CTNNBL1: variants seen among roughly 807,000 people sequenced by gnomAD.
The protein encoded by CTNNBL1 is beta-catenin-like protein 1.
CTNNBL1 carries 31 observed loss-of-function variants against 72.7 expected under a neutral mutation model. That is an observed-to-expected ratio of 0.43 (90% CI 0.32 to 0.58). The LOEUF (loss-of-function observed/expected upper bound fraction) is 0.58, where lower values mean the gene tolerates loss of function less well. Ranked by LOEUF, CTNNBL1 falls within the 20% of genes least tolerant of loss-of-function variation. CTNNBL1 has a pLI of 0.08. For synonymous variants in CTNNBL1, 240 were observed against 267.3 expected, an observed-to-expected ratio of 0.90 and a Z score of 1.00; for missense variants, 534 against 725.1, an observed-to-expected ratio of 0.74 and a Z score of 3.03.
At chr20:37,714,989 A>AC (rs1339960576) in intron 1 of CTNNBL1, among the ~76,000 whole-genome samples, 5 of 151,192 alleles carry the variant, frequency 3.3e-5, no homozygotes, top group South Asian at 4.2e-4. Context: ...ACCGCACCTC[A>AC]CCCCCCCGTT....
rs1310660903 is a variant in CTNNBL1 at position 37,803,757 on chromosome 20, G to A, written c.1213+709G>A. On this transcript the variant is annotated intron_variant, in intron 11 of 15. Transcript: ENST00000361383. Reference sequence around the variant, plus strand: ...TATTTTAAAGTGTGGGGAGCGGGTGGAGAGGAGTGGGGAGGTAGTGTGTTG... The same window carrying A: ...TATTTTAAAGTGTGGGGAGCGGGTGAAGAGGAGTGGGGAGGTAGTGTGTTG... Among the ~76,000 whole-genome samples the A allele has an allele frequency of 2.0e-5, 3 of 152,192 alleles. No homozygotes were observed. In the East Asian group the frequency reaches 5.8e-4, roughly 29 times the overall value.
At chr20:37,728,311 A>G (rs901360026) in intron 1 of CTNNBL1, among the ~76,000 whole-genome samples, 8 of 152,196 alleles carry the variant, frequency 5.3e-5, no homozygotes, top group African/African-American at 1.7e-4. Context: ...AAATGATACT[A>G]TTTTGGGTAT....
intron 11 of CTNNBL1, among the ~76,000 whole-genome samples, chr20:37,834,904 T>TA (rs1238197806): frequency 6.6e-6 from 1 of 152,232 alleles, no homozygotes. Context: ...ATACCCTACT[T>TA]ACGTTCAAAT....
At chr20:37,742,894 C>A (rs2073230235) in intron 3 of CTNNBL1, among the ~76,000 whole-genome samples, 1 of 152,132 alleles carries the variant, frequency 6.6e-6, no homozygotes. Context: ...ACCTCCACCT[C>A]CCAGGTTCAA....
chr20:37,716,361 A>T (rs879632283), intron 1 of CTNNBL1, among the ~76,000 whole-genome samples: 2 of 152,238 alleles, frequency 1.3e-5, no homozygotes, highest in Admixed American at 1.3e-4. Context: ...TAGGTGGCCA[A>T]GACGCATTTG....
intron 11 of CTNNBL1, among the ~76,000 whole-genome samples, chr20:37,807,511 A>G (rs946624132): frequency 5.9e-5 from 9 of 152,198 alleles, no homozygotes; most frequent in African/African-American, 9.7e-5. Flanking sequence ...GAGTCAAGCT[A>G]TGCTAAGTAG....
At chr20:37,843,355 T>G (rs1179571301) in intron 13 of CTNNBL1, among the ~76,000 whole-genome samples, 1 of 152,184 alleles carries the variant, frequency 6.6e-6, no homozygotes, top group Non-Finnish European at 1.5e-5. Context: ...GATTTTAGTA[T>G]AGCCCTCCCC....
rs1331529252 is a variant in CTNNBL1, at chr20:37,767,851, G to C, written c.659-102G>C. ...CCAGCATCTGGCTGGGAGTAATGCA[G>C]GGAAGTGGGGAGAGGAATAACATGC... On this transcript the variant is annotated intron_variant, in intron 6 of 15. Coordinates refer to ENST00000361383, the MANE Select transcript of CTNNBL1 (RefSeq NM_030877.5). 5.7e-6 allele frequency: 5 copies of C among 873,844 alleles called. No individual in the cohort carries two copies. In the African/African-American group the frequency reaches 8.2e-5, roughly 14 times the overall value. 54.1% of individuals were successfully genotyped at this position (873,844 alleles called of 1,614,324 possible). A position where few individuals can be genotyped will look rare whatever the true frequency, so the allele number is the denominator to read the frequency against.
At chr20:37,787,146 A>G (rs1009583894) in intron 10 of CTNNBL1, among the ~76,000 whole-genome samples, 2 of 148,550 alleles carry the variant, frequency 1.3e-5, no homozygotes, top group African/African-American at 5.0e-5. Context: ...TTTAAGAGAC[A>G]GGATTCCACT....
chr20:37,746,572 A>G lies in CTNNBL1; in HGVS notation c.431A>G (p.Gln144Arg). Reference sequence around the variant, plus strand: ...CTTCTGGTGGAGCTGAATGCTGTACAGTCGCTTCTCGGCTTGCTCGGACAC... The same window carrying G: ...CTTCTGGTGGAGCTGAATGCTGTACGGTCGCTTCTCGGCTTGCTCGGACAC... The part of the protein sequence containing the change: ...YHLLVELNAV[Q>R]SLLGLLGHDN... The change falls in exon 4 of 16, where the codon CAG (glutamine) becomes CGG (arginine). Residue 144 changes from glutamine (Q) to arginine (R), a missense_variant. By Grantham distance (43) the Gln-to-Arg change is conservative. Transcript: ENST00000361383. 1 of 1,614,156 alleles carries G rather than the reference A, an allele frequency of 6.2e-7. No individual in the cohort carries two copies. Among genetic ancestry groups the G allele is most frequent in the Non-Finnish European group, 8.5e-7 (1 of 1,179,996 alleles).
intron 11 of CTNNBL1, among the ~76,000 whole-genome samples, chr20:37,811,484 A>C (rs1456762808): frequency 1.3e-5 from 2 of 152,202 alleles, no homozygotes; most frequent in African/African-American, 4.8e-5. Context: ...TTTCTGGATC[A>C]ATTCCTTTTC....
At chr20:37,696,005 A>G (rs2072787742) in intron 1 of CTNNBL1, among the ~76,000 whole-genome samples, 1 of 152,252 alleles carries the variant, frequency 6.6e-6, no homozygotes, top group African/African-American at 2.4e-5. Context: ...ATAGTGAAAG[A>G]TGAAGGGAAA....
intron 11 of CTNNBL1, among the ~76,000 whole-genome samples, chr20:37,825,306 T>C (rs776497045): frequency 6.6e-6 from 1 of 151,922 alleles, no homozygotes; most frequent in Non-Finnish European, 1.5e-5. Context: ...TGAGCTGAGA[T>C]TGCATCGCTG....
In CTNNBL1 at chr20:37,842,319, C is replaced by T. The variant is rs749735735; in HGVS notation, c.1312-20C>T. On this transcript the variant is annotated intron_variant, in intron 12 of 15. Transcript: ENST00000361383. ...CGTTGTCTTTCCTTCTCACTCAAGCCTGTGAAATCTCTCTTTCAGGTTGAC... is the reference window on the plus strand; with the variant it reads ...CGTTGTCTTTCCTTCTCACTCAAGCTTGTGAAATCTCTCTTTCAGGTTGAC... The T allele has an allele frequency of 6.4e-7, 1 of 1,562,052 alleles. No homozygotes were observed. Among genetic ancestry groups the T allele is most frequent in the Non-Finnish European group, 8.8e-7 (1 of 1,132,368 alleles).
intron 10 of CTNNBL1, among the ~76,000 whole-genome samples, chr20:37,789,611 A>G (rs2073706915): frequency 6.6e-6 from 1 of 152,178 alleles, no homozygotes; most frequent in South Asian, 2.1e-4. Context: ...CTGGTTTGCC[A>G]CTTCCGTTTC....
In CTNNBL1 at chr20:37,812,172, G is replaced by T. The variant is rs191511762; in HGVS notation, c.1213+9124G>T. Among the ~76,000 whole-genome samples the T allele has an allele frequency of 9.8e-5, 15 of 152,310 alleles. No homozygotes were observed. In the East Asian group the frequency reaches 2.9e-3, roughly 29 times the overall value. On this transcript the variant is annotated intron_variant, in intron 11 of 15. Coordinates refer to ENST00000361383, the MANE Select transcript of CTNNBL1 (RefSeq NM_030877.5). ...AATTCCTCCTCAGTCAAATAAGCCT[G>T]ATAAAACCTTTCTTAGAATGTTTTG...
At chr20:37,810,421 G>A (rs1179877886) in intron 11 of CTNNBL1, among the ~76,000 whole-genome samples, 2 of 152,192 alleles carry the variant, frequency 1.3e-5, no homozygotes, top group African/African-American at 4.8e-5. Flanking sequence ...CTTTGTGAGG[G>A]TGGATCTCGC....
At chr20:37,741,169 A>G (rs960628011) in intron 3 of CTNNBL1, among the ~76,000 whole-genome samples, 28 of 152,108 alleles carry the variant, frequency 1.8e-4, no homozygotes, top group African/African-American at 6.0e-4. Context: ...ATGTTGCTCT[A>G]TTGCTTTCCC....
At chr20:37,754,792 T>C (rs994460642) in intron 4 of CTNNBL1, among the ~76,000 whole-genome samples, 5 of 152,118 alleles carry the variant, frequency 3.3e-5, no homozygotes, top group African/African-American at 4.8e-5. Context: ...CCCTTACTAT[T>C]GCAGTGACCT....
Sources: gnomAD v4.1 joint callset for allele counts (sites outside exome capture counted in the v4.1 genomes callset) on GRCh38, gnomAD v4.1.1 for gene constraint, MANE v1.5 for transcripts, NCBI Gene and HGNC (gene_info 2026-07-23, HGNC 2026-07-21) for gene names.